The following GUCY1A2 variants were observed in gnomAD, a reference collection of about 807,000 sequenced individuals.
The protein encoded by GUCY1A2 is guanylate cyclase 1 soluble subunit alpha 2, also known as guanylate cyclase soluble subunit alpha-2.
A neutral mutation model predicts 63.5 loss-of-function variants in GUCY1A2; 27 were observed. The observed-to-expected ratio is 0.43, with a 90% CI of 0.31 to 0.59. The LOEUF is 0.59. Among genes scored for constraint, GUCY1A2 ranks in the 20% least tolerant of loss-of-function variants. GUCY1A2 has a pLI of 0.11. For missense variants in GUCY1A2, 768 were observed against 913.3 expected, an observed-to-expected ratio of 0.84 and a Z score of 2.05; for synonymous variants, 364 against 343.5, an observed-to-expected ratio of 1.06 and a Z score of -0.66.
At chr11:106,972,772 A>G (rs377575558) in intron 3 of GUCY1A2, among the ~76,000 whole-genome samples, 4 of 152,240 alleles carry the variant, frequency 2.6e-5, no homozygotes, top group East Asian at 3.9e-4. Flanking sequence ...CCTTCAATCA[A>G]TGAATGGATA....
At position 106,748,079 on chromosome 11, in the gene GUCY1A2, G is replaced by A. The variant is rs966670046; in HGVS notation, c.1836+28360C>T. Among the ~76,000 whole-genome samples the A allele has an allele frequency of 1.9e-4, 29 of 152,090 alleles. 1 individual carries two copies. Among genetic ancestry groups the A allele is most frequent in the Non-Finnish European group, 7.4e-5 (5 of 68,004 alleles). On this transcript the variant is annotated intron_variant, in intron 6 of 7. Coordinates refer to ENST00000526355, the MANE Select transcript of GUCY1A2 (RefSeq NM_000855.3). ...ATTTCCTCCAAAGAAAATGCAATAAGAAAGAATAAAGAAGTTTCTTTAAAA... is the reference window on the plus strand; with the variant it reads ...ATTTCCTCCAAAGAAAATGCAATAAAAAAGAATAAAGAAGTTTCTTTAAAA...
chr11:106,768,150 A>T (rs961214237), intron 6 of GUCY1A2, among the ~76,000 whole-genome samples: 1 of 151,926 alleles, frequency 6.6e-6, no homozygotes, highest in Non-Finnish European at 1.5e-5. Flanking sequence ...ATCAATGTCA[A>T]TCTCTCTCTC....
rs533384322 is a variant in GUCY1A2, at chr11:106,815,467, G to A, written c.1207-4989C>T. ...ATAAACTCAAAGGAATTCACTCCAAGATACATTTTAGGGTGCATATGTACC... is the reference window on the plus strand; with the variant it reads ...ATAAACTCAAAGGAATTCACTCCAAAATACATTTTAGGGTGCATATGTACC... On this transcript the variant is annotated intron_variant, in intron 4 of 7. Coordinates refer to ENST00000526355, the MANE Select transcript of GUCY1A2 (RefSeq NM_000855.3). 5.9e-5 allele frequency among the ~76,000 whole-genome samples: 9 copies of A among 151,460 alleles called. No individual in the cohort carries two copies. The South Asian group carries it at 1.9e-3, about 32-fold the overall frequency.
rs1862378291 is a variant in GUCY1A2 at position 106,678,252 on chromosome 11, A to C, written c.*9297T>G. 1 of 202,148 alleles carries C rather than the reference A, an allele frequency of 4.9e-6. No homozygotes were observed. The highest frequency in any genetic ancestry group is 1.0e-5 in the Non-Finnish European group (1 of 98,396). The allele number at this position is 202,148 out of a possible 1,614,324, so 12.5% of individuals were successfully genotyped here. A position where few individuals can be genotyped will look rare whatever the true frequency, so the allele number is the denominator to read the frequency against. On this transcript the variant is annotated 3_prime_UTR_variant, in exon 8 of 8. Transcript: ENST00000526355. ...TTTGAGAATACTTTGTAGTCAAAGA[A>C]TACAAAAGCAATTTATCTGAGAGTC... is the stretch of plus-strand genomic sequence containing the variant.
At chr11:106,968,389 C>G (rs910675323) in intron 3 of GUCY1A2, among the ~76,000 whole-genome samples, 6 of 152,000 alleles carry the variant, frequency 3.9e-5, no homozygotes, top group Non-Finnish European at 7.4e-5. Flanking sequence ...AATCATATTT[C>G]CCTAGGAAGA....
chr11:106,693,817 A>C (rs1862668607), intron 7 of GUCY1A2, among the ~76,000 whole-genome samples: 1 of 151,914 alleles, frequency 6.6e-6, no homozygotes, highest in East Asian at 1.9e-4. Context: ...TGTTCTTACT[A>C]TTTTAAATCT....
intron 4 of GUCY1A2, among the ~76,000 whole-genome samples, chr11:106,813,434 G>A (rs1310362164): frequency 6.6e-6 from 1 of 151,670 alleles, no homozygotes; most frequent in Admixed American, 6.6e-5. Context: ...ATCTCATGGG[G>A]GTTTGTTGCA....
At chr11:106,829,096 C>CA (rs745872994) in intron 4 of GUCY1A2, among the ~76,000 whole-genome samples, 1 of 152,184 alleles carries the variant, frequency 6.6e-6, no homozygotes, top group Non-Finnish European at 1.5e-5. Context: ...GCTCGACGAA[C>CA]AAAGTCAATC....
At chr11:106,801,529 C>T (rs990664581) in intron 5 of GUCY1A2, among the ~76,000 whole-genome samples, 1 of 152,104 alleles carries the variant, frequency 6.6e-6, no homozygotes, top group Non-Finnish European at 1.5e-5. Flanking sequence ...ATTGGAAACA[C>T]TAGCTATCTG....
rs191540220 is a variant in GUCY1A2, at chr11:107,006,278, T to A, written c.303+11475A>T. ...CATGAGTAATAGTAAACACAATGTCTTCCATTCACTGTTCACATTTTATTA... is the reference window on the plus strand; with the variant it reads ...CATGAGTAATAGTAAACACAATGTCATCCATTCACTGTTCACATTTTATTA... On this transcript the variant is annotated intron_variant, in intron 1 of 7. Coordinates refer to ENST00000526355, the MANE Select transcript of GUCY1A2 (RefSeq NM_000855.3). Among the ~76,000 whole-genome samples, 204 of 152,316 alleles carry A rather than the reference T, an allele frequency of 1.3e-3. 1 individual carries two copies. The highest frequency in any genetic ancestry group is 4.7e-3 in the African/African-American group (197 of 41,558).
chr11:106,813,588 T>C (rs1858793256), intron 4 of GUCY1A2, among the ~76,000 whole-genome samples: 1 of 152,088 alleles, frequency 6.6e-6, no homozygotes, highest in Non-Finnish European at 1.5e-5. Context: ...CATGCTCTCA[T>C]GGAGCTTCAG....
At chr11:107,009,090 G>A (rs1861709681) in intron 1 of GUCY1A2, among the ~76,000 whole-genome samples, 1 of 152,162 alleles carries the variant, frequency 6.6e-6, no homozygotes, top group African/African-American at 2.4e-5. Flanking sequence ...TTCTTCAAAT[G>A]TTGGATCACC....
chr11:106,750,353 T>TA (rs1234386807), intron 6 of GUCY1A2, among the ~76,000 whole-genome samples: 1 of 152,070 alleles, frequency 6.6e-6, no homozygotes, highest in Non-Finnish European at 1.5e-5. Flanking sequence ...CTTCCTCTCC[T>TA]AGCTCACTGA....
At chr11:106,859,819 T>C (rs1426915330) in intron 4 of GUCY1A2, among the ~76,000 whole-genome samples, 1 of 152,024 alleles carries the variant, frequency 6.6e-6, no homozygotes, top group Admixed American at 6.6e-5. Context: ...AGTATCATTC[T>C]GTACAGGTTT....
intron 5 of GUCY1A2, among the ~76,000 whole-genome samples, chr11:106,797,584 A>C (rs1405903901): frequency 6.6e-6 from 1 of 152,224 alleles, no homozygotes; most frequent in Non-Finnish European, 1.5e-5. Context: ...ACCACAGTGT[A>C]ATCAAACTAG....
intron 4 of GUCY1A2, among the ~76,000 whole-genome samples, chr11:106,842,579 G>A (rs1350774309): frequency 6.6e-6 from 1 of 152,008 alleles, no homozygotes; most frequent in African/African-American, 2.4e-5. Flanking sequence ...TCAGTGTGGT[G>A]TGTGAAAGGA....
chr11:106,854,308 C>T (rs961617511), intron 4 of GUCY1A2, among the ~76,000 whole-genome samples: 1 of 152,140 alleles, frequency 6.6e-6, no homozygotes, highest in Non-Finnish European at 1.5e-5. Context: ...TCCCTAGGAT[C>T]TTGGATGGAA....
intron 4 of GUCY1A2, among the ~76,000 whole-genome samples, chr11:106,832,595 G>A (rs1326915790): frequency 6.6e-6 from 1 of 152,018 alleles, no homozygotes; most frequent in Non-Finnish European, 1.5e-5. Context: ...TAGAGAATGA[G>A]CTTTTTAAAA....
chr11:106,678,121 T>G lies in GUCY1A2; in HGVS notation c.*9428A>C, dbSNP rs1862375726. On this transcript the variant is annotated 3_prime_UTR_variant, in exon 8 of 8. Coordinates refer to ENST00000526355, the MANE Select transcript of GUCY1A2 (RefSeq NM_000855.3). ...TACACAGGAACAAAAATTAAAGAATTTTTCTAAAAGTCCCCCTGAATTACT... is the reference window on the plus strand; with the variant it reads ...TACACAGGAACAAAAATTAAAGAATGTTTCTAAAAGTCCCCCTGAATTACT... 1 of 197,970 alleles carries G rather than the reference T, an allele frequency of 5.1e-6. No individual in the cohort carries two copies. Among genetic ancestry groups the G allele is most frequent in the Non-Finnish European group, 1.0e-5 (1 of 95,534 alleles). 12.3% of individuals were successfully genotyped at this position (197,970 alleles called of 1,614,324 possible).
Sources: allele counts gnomAD v4.1 joint callset (sites outside exome capture counted in the v4.1 genomes callset), GRCh38; gene constraint gnomAD v4.1.1; transcripts MANE v1.5; gene names NCBI Gene and HGNC (gene_info 2026-07-23, HGNC 2026-07-21).